The following SNTA1 variants were observed in gnomAD, a reference collection of about 807,000 sequenced individuals.
The protein encoded by SNTA1 is syntrophin alpha 1, also known as alpha-1-syntrophin.
A neutral mutation model predicts 47.1 loss-of-function variants in SNTA1; 31 were observed. The observed-to-expected ratio is 0.66, with a 90% CI of 0.49 to 0.89. SNTA1 has a LOEUF of 0.89. Among genes scored for constraint, SNTA1 ranks in the 40% least tolerant of loss-of-function variants. SNTA1 has a pLI of 0.00. For synonymous variants in SNTA1, 300 were observed against 313.6 expected, an observed-to-expected ratio of 0.96 and a Z score of 0.46; for missense variants, 575 against 693.0, an observed-to-expected ratio of 0.83 and a Z score of 1.91.
At chr20:33,420,199 C>T (rs867969975) in intron 2 of SNTA1, among the ~76,000 whole-genome samples, 2 of 152,134 alleles carry the variant, frequency 1.3e-5, no homozygotes, top group Non-Finnish European at 2.9e-5. Flanking sequence ...GCTGGGATTA[C>T]AGGCATGAAC....
intron 6 of SNTA1, 114 bp downstream of exon 6, chr20:33,410,021 C>T: frequency 8.9e-7 from 1 of 1,119,286 alleles, no homozygotes; most frequent in Non-Finnish European, 1.3e-6. Flanking sequence ...CCACCTTGAC[C>T]TCCAAACCCC....
At chr20:33,421,851 G>A (rs1990030450) in intron 2 of SNTA1, among the ~76,000 whole-genome samples, 1 of 150,230 alleles carries the variant, frequency 6.7e-6, no homozygotes, top group African/African-American at 2.5e-5. Context: ...CAGCTACTCG[G>A]GAGGCTGAGG....
At chr20:33,424,647 G>A (rs1990118596) in intron 2 of SNTA1, among the ~76,000 whole-genome samples, 1 of 151,924 alleles carries the variant, frequency 6.6e-6, no homozygotes, top group Non-Finnish European at 1.5e-5. Flanking sequence ...CCGAGTAGCT[G>A]GGATCAGAGG....
chr20:33,437,552 T>C (rs1297523890), intron 2 of SNTA1, among the ~76,000 whole-genome samples: 2 of 152,144 alleles, frequency 1.3e-5, no homozygotes, highest in Non-Finnish European at 1.5e-5. Context: ...TATATCTGGG[T>C]CAACCAAGGA....
chr20:33,439,302 AG>A (rs1261630541), intron 1 of SNTA1, among the ~76,000 whole-genome samples: 6 of 152,064 alleles, frequency 3.9e-5, no homozygotes, highest in African/African-American at 1.4e-4. Flanking sequence ...TCAGGAGTTC[AG>A]GATCAGCCTG....
In SNTA1 at chr20:33,420,978, C is replaced by T. The variant is rs1263736498; in HGVS notation, c.497-3055G>A. ...CAGCCTGAGGGACAGAGCAAGACCC[C>T]GTCTCAAAAAAAAAAAAGAAAAAGA... is the stretch of plus-strand genomic sequence containing the variant. On this transcript the variant is annotated intron_variant, in intron 2 of 7. Transcript: ENST00000217381. Among the ~76,000 whole-genome samples the T allele has an allele frequency of 6.8e-5, 10 of 147,138 alleles. No homozygotes were observed. The East Asian group carries it at 1.6e-3, about 23-fold the overall frequency.
chr20:33,416,999 G>A (rs956938217), intron 3 of SNTA1, among the ~76,000 whole-genome samples: 2 of 149,474 alleles, frequency 1.3e-5, no homozygotes, highest in African/African-American at 2.5e-5. Flanking sequence ...TGTAGTCCCA[G>A]CTACTTAGGA....
chr20:33,415,656 C>T (rs1055696265), intron 3 of SNTA1, among the ~76,000 whole-genome samples: 21 of 151,322 alleles, frequency 1.4e-4, no homozygotes, highest in African/African-American at 4.9e-4. Flanking sequence ...TCAGGCATGG[C>T]GGCGTGCACC....
At chr20:33,414,267 A>C (rs1429570490) in intron 3 of SNTA1, among the ~76,000 whole-genome samples, 2 of 148,214 alleles carry the variant, frequency 1.3e-5, no homozygotes, top group African/African-American at 5.0e-5. Flanking sequence ...AAAAAAAAAA[A>C]AAAAACAGAA....
At chr20:33,428,633 G>C (rs1381311554) in intron 2 of SNTA1, among the ~76,000 whole-genome samples, 1 of 151,504 alleles carries the variant, frequency 6.6e-6, no homozygotes, top group Non-Finnish European at 1.5e-5. Context: ...AGAGTACAGT[G>C]GCATAATCAT....
rs1990635539 is a variant in SNTA1, at chr20:33,443,561, G to A, written c.60C>T (p.Gly20=). The A allele has an allele frequency of 6.0e-6, 8 of 1,326,696 alleles. No individual in the cohort carries two copies. In the South Asian group the frequency reaches 9.0e-5, roughly 15 times the overall value. 82.2% of individuals were successfully genotyped at this position (1,326,696 alleles called of 1,614,324 possible). The change falls in exon 1 of 8, where the codon GGC becomes GGT. Residue 20 remains glycine (G), a synonymous_variant. Coordinates refer to ENST00000217381, the MANE Select transcript of SNTA1 (RefSeq NM_003098.3). ...GCCATCGCTCGCCGCCGGCCCCCGA[G>A]CCCGCCCCGGCGCGCAGCTCCAGCA... ...TGLLELRAGA[G]SGAGGERWQR... is the part of the protein sequence containing the mutation.
At chr20:33,419,007 G>C (rs765754605) in intron 2 of SNTA1, among the ~76,000 whole-genome samples, 1 of 151,798 alleles carries the variant, frequency 6.6e-6, no homozygotes, top group African/African-American at 2.4e-5. Context: ...CCAGCTACTC[G>C]AGAGGCTGAG....
chr20:33,410,864 C>A (rs953017547), intron 5 of SNTA1, among the ~76,000 whole-genome samples: 1 of 152,310 alleles, frequency 6.6e-6, no homozygotes, highest in African/African-American at 2.4e-5. Context: ...TTCCCAGTAA[C>A]TAAAACCATG....
intron 2 of SNTA1, among the ~76,000 whole-genome samples, chr20:33,431,286 A>AAT (rs949205451): frequency 1.3e-5 from 2 of 151,922 alleles, no homozygotes; most frequent in Non-Finnish European, 1.5e-5. Context: ...TTTTGATTAA[A>AAT]ATATATATAT....
chr20:33,436,963 CA>C (rs1208975922), intron 2 of SNTA1, among the ~76,000 whole-genome samples: 839 of 53,180 alleles, frequency 0.016, 4 homozygotes, highest in African/African-American at 0.052. Flanking sequence ...GACTCCATCT[CA>C]AAAAAAAAAA....
At chr20:33,411,172 C>A (rs1600838041) in intron 5 of SNTA1, among the ~76,000 whole-genome samples, 1 of 152,198 alleles carries the variant, frequency 6.6e-6, no homozygotes, top group Non-Finnish European at 1.5e-5. Context: ...GTTCCCCCCG[C>A]CACAGACTGC....
intron 2 of SNTA1, among the ~76,000 whole-genome samples, chr20:33,428,528 A>G (rs959743118): frequency 1.3e-5 from 2 of 152,196 alleles, no homozygotes; most frequent in African/African-American, 2.4e-5. Context: ...GTGTGAAAGT[A>G]TCAACACTGG....
intron 2 of SNTA1, among the ~76,000 whole-genome samples, chr20:33,429,942 T>C (rs1412808367): frequency 6.6e-6 from 1 of 152,154 alleles, no homozygotes; most frequent in African/African-American, 2.4e-5. Context: ...TTTGTAACTT[T>C]TTTTTGGAGA....
rs141409638 is a variant in SNTA1, at chr20:33,440,397, A to G, written c.311-1371T>C. 8.7e-3 allele frequency among the ~76,000 whole-genome samples: 1,328 copies of G among 152,188 alleles called. 13 individuals are homozygous for G. Among genetic ancestry groups the G allele is most frequent in the African/African-American group, 0.029 (1,213 of 41,528 alleles). ...CTTGAACCGGGAGGCTGAGGTTGCA[A>G]TGAGCCAAGATTGCACCATTGCACT... On this transcript the variant is annotated intron_variant, in intron 1 of 7. Coordinates refer to ENST00000217381, the MANE Select transcript of SNTA1 (RefSeq NM_003098.3).
Sources: allele counts gnomAD v4.1 joint callset (sites outside exome capture counted in the v4.1 genomes callset), GRCh38; gene constraint gnomAD v4.1.1; transcripts MANE v1.5; gene names NCBI Gene and HGNC (gene_info 2026-07-23, HGNC 2026-07-21).